CCSER2: variants seen among roughly 807,000 people sequenced by gnomAD.
CCSER2 encodes the protein serine-rich coiled-coil domain-containing protein 2.
In CCSER2, 46 loss-of-function variants were observed where a neutral mutation model predicts 92.3. That is an observed-to-expected ratio of 0.50 (90% confidence interval 0.39 to 0.64). The LOEUF (loss-of-function observed/expected upper bound fraction) is 0.64. Among genes scored for constraint, CCSER2 ranks in the 30% least tolerant of loss-of-function variants. The probability of loss-of-function intolerance (pLI) is 0.00; values close to 1 mark genes in which losing one functional copy is unlikely to be tolerated. For synonymous variants in CCSER2, 433 were observed against 431.4 expected, an observed-to-expected ratio of 1.00 and a Z score of -0.04; for missense variants, 1,244 against 1,238.9, an observed-to-expected ratio of 1.00 and a Z score of -0.06.
intron 3 of CCSER2, among the ~76,000 whole-genome samples, chr10:84,412,433 T>G (rs1186208398): frequency 6.6e-6 from 1 of 152,126 alleles, no homozygotes; most frequent in Non-Finnish European, 1.5e-5. Flanking sequence ...TGGGCTTTTT[T>G]TTTTGGTTGG....
At chr10:84,391,463 G>A (rs1841515343) in intron 3 of CCSER2, 1 of 1,565,710 alleles carries the variant, frequency 6.4e-7, no homozygotes, top group African/African-American at 1.4e-5. Flanking sequence ...CCTCACAAAA[G>A]CTTGCTTTCA....
chr10:84,500,577 G>T (rs1296077978), intron 9 of CCSER2, among the ~76,000 whole-genome samples: 2 of 152,158 alleles, frequency 1.3e-5, no homozygotes, highest in Non-Finnish European at 2.9e-5. Flanking sequence ...TAATGATTTA[G>T]TTACTGTTTG....
At chr10:84,369,927 TTATG>T (rs750800450) in intron 1 of CCSER2, among the ~76,000 whole-genome samples, 2 of 152,110 alleles carry the variant, frequency 1.3e-5, no homozygotes, top group Non-Finnish European at 2.9e-5. Context: ...CAATTTTCAT[TTATG>T]TATGCTTTGT....
chr10:84,488,069 C>T (rs960346490), intron 9 of CCSER2, among the ~76,000 whole-genome samples: 1 of 152,134 alleles, frequency 6.6e-6, no homozygotes, highest in African/African-American at 2.4e-5. Context: ...TTGAACCAGC[C>T]TTGCATCCCA....
At chr10:84,504,119 T>C (rs1848916252) in intron 9 of CCSER2, among the ~76,000 whole-genome samples, 1 of 152,180 alleles carries the variant, frequency 6.6e-6, no homozygotes, top group Admixed American at 6.5e-5. Flanking sequence ...CTCTCATATT[T>C]TTTCTCTCTA....
intron 4 of CCSER2, among the ~76,000 whole-genome samples, chr10:84,423,199 C>T (rs973700120): frequency 6.6e-6 from 1 of 152,148 alleles, no homozygotes; most frequent in African/African-American, 2.4e-5. Context: ...AGTGTTATTC[C>T]ACATTATCTT....
At chr10:84,459,367 C>A (rs185737479) in intron 6 of CCSER2, among the ~76,000 whole-genome samples, 5 of 152,020 alleles carry the variant, frequency 3.3e-5, no homozygotes, top group African/African-American at 7.2e-5. Context: ...CCTATTCGTT[C>A]GCCTTTTATT....
intron 3 of CCSER2, among the ~76,000 whole-genome samples, chr10:84,377,989 A>G (rs984868566): frequency 9.9e-5 from 15 of 152,174 alleles, no homozygotes; most frequent in African/African-American, 3.6e-4. Context: ...TGGAACTTGT[A>G]TATACATTCT....
chr10:84,401,050 T>C (rs930832887), intron 3 of CCSER2, among the ~76,000 whole-genome samples: 2 of 152,154 alleles, frequency 1.3e-5, no homozygotes, highest in African/African-American at 4.8e-5. Context: ...ATTTGTAGAA[T>C]GTAACTAAAG....
intron 6 of CCSER2, among the ~76,000 whole-genome samples, chr10:84,440,774 C>G (rs182595718): frequency 6.6e-6 from 1 of 152,296 alleles, no homozygotes; most frequent in Admixed American, 6.5e-5. Flanking sequence ...TTATCCTGGT[C>G]TCACATTTGA....
intron 1 of CCSER2, among the ~76,000 whole-genome samples, chr10:84,349,050 A>C (rs1844714169): frequency 6.6e-6 from 1 of 152,102 alleles, no homozygotes. Context: ...TTTGTATTCC[A>C]ATTTTTTTTT....
intron 6 of CCSER2, among the ~76,000 whole-genome samples, chr10:84,447,389 G>A (rs765481512): frequency 4.6e-5 from 7 of 152,078 alleles, no homozygotes; most frequent in African/African-American, 1.4e-4. Flanking sequence ...TTTGTTGCCC[G>A]ATCATATGTT....
rs1564684748 is a variant in CCSER2 at position 84,457,287 on chromosome 10, T to TATA, written c.2065-6645_2065-6643dup. Among the ~76,000 whole-genome samples the TATA allele has an allele frequency of 1.3e-3, 67 of 51,304 alleles. 2 individuals carry two copies. The highest frequency in any genetic ancestry group is 1.8e-3 in the Non-Finnish European group (51 of 28,180). 33.7% of individuals were successfully genotyped at this position (51,304 alleles called of 152,430 possible). On this transcript the variant is annotated intron_variant, in intron 6 of 9. Coordinates refer to ENST00000372088, the MANE Select transcript of CCSER2 (RefSeq NM_001284240.2). ...ATATTATATATAATATATTATATAT[T>TATA]ATATATTATATATAATATGTTATAT...
At chr10:84,468,999 A>G (rs968355715) in intron 7 of CCSER2, among the ~76,000 whole-genome samples, 1 of 152,284 alleles carries the variant, frequency 6.6e-6, no homozygotes, top group East Asian at 1.9e-4. Context: ...ACAACATTTT[A>G]CCAGTTATAT....
At chr10:84,501,834 A>AAAAATATATATATATATATATATATACTC (rs1167460274) in intron 9 of CCSER2, among the ~76,000 whole-genome samples, 1 of 40,152 alleles carries the variant, frequency 2.5e-5, no homozygotes, top group African/African-American at 4.7e-5. Context: ...AAAAAAAAAA[A>AAAAATATATATATATATATATATATACTC]ATATATATAT....
chr10:84,387,066 A>G (rs1231766421), intron 3 of CCSER2, among the ~76,000 whole-genome samples: 1 of 152,184 alleles, frequency 6.6e-6, no homozygotes, highest in African/African-American at 2.4e-5. Context: ...AAACTTACAC[A>G]TCATGAATCT....
At chr10:84,443,340 G>A (rs1844694833) in intron 6 of CCSER2, among the ~76,000 whole-genome samples, 1 of 152,164 alleles carries the variant, frequency 6.6e-6, no homozygotes, top group African/African-American at 2.4e-5. Flanking sequence ...CAAAGGATAT[G>A]AACAGACACT....
chr10:84,363,399 A>G (rs929300678), intron 1 of CCSER2, among the ~76,000 whole-genome samples: 21 of 152,160 alleles, frequency 1.4e-4, no homozygotes, highest in Admixed American at 7.2e-4. Context: ...GAGTAACACA[A>G]GGTTAAAAAA....
At chr10:84,387,547 G>C (rs1245967835) in intron 3 of CCSER2, among the ~76,000 whole-genome samples, 1 of 136,026 alleles carries the variant, frequency 7.4e-6, no homozygotes, top group Admixed American at 7.3e-5. Context: ...TTTTTTTTTT[G>C]AGACAGAGTC....
Sources: gnomAD v4.1 joint callset for allele counts (sites outside exome capture counted in the v4.1 genomes callset) on GRCh38, gnomAD v4.1.1 for gene constraint, MANE v1.5 for transcripts, NCBI Gene and HGNC (gene_info 2026-07-23, HGNC 2026-07-21) for gene names.